PRTG: variants seen among roughly 807,000 people sequenced by gnomAD.
The protein encoded by PRTG is protogenin.
In PRTG, 67 loss-of-function variants were observed where a neutral mutation model predicts 122.5. The ratio of observed to expected loss-of-function variants is 0.55; its 90% confidence interval spans 0.45 to 0.67. The LOEUF is 0.67. Among genes scored for constraint, PRTG ranks in the 30% least tolerant of loss-of-function variants. PRTG has a pLI of 0.00. For synonymous variants in PRTG, 554 were observed against 501.1 expected, an observed-to-expected ratio of 1.11 and a Z score of -1.41; for missense variants, 1,435 against 1,415.4, an observed-to-expected ratio of 1.01 and a Z score of -0.22.
intron 2 of PRTG, among the ~76,000 whole-genome samples, chr15:55,696,080 G>A (rs2059630564): frequency 1.3e-5 from 2 of 151,882 alleles, no homozygotes; most frequent in Non-Finnish European, 2.9e-5. Context: ...GACCAGCCTG[G>A]GGAACACAGG....
Position 55,628,876 on chromosome 15 carries a change from C to T in PRTG, c.2752G>A (p.Glu918Lys). The stretch of plus-strand genomic sequence containing the variant: ...GGCCTCTGATTTGATTCAGAGGTTT[C>T]CTTTGGAAGTACTGCCAGCTCCACA... The part of the protein sequence containing the change: ...NSVELAVLPK[E>K]TSESNQRPKR... The change falls in exon 16 of 20, where the codon GAA becomes AAA. Residue 918 changes from glutamate to lysine, a missense_variant. Glu to Lys is a moderately conservative substitution (Grantham distance 56). Coordinates refer to ENST00000389286, the MANE Select transcript of PRTG (RefSeq NM_173814.6). 6.2e-7 allele frequency: 1 copy of T among 1,614,038 alleles called. No homozygotes were observed. Among genetic ancestry groups the T allele is most frequent in the Non-Finnish European group, 8.5e-7 (1 of 1,179,956 alleles).
chr15:55,620,293 T>C (rs374507513), intron 19 of PRTG, 27 bp from the exon 20 acceptor site: 2 of 1,611,018 alleles, frequency 1.2e-6, no homozygotes, highest in Non-Finnish European at 1.7e-6. Context: ...AAGATGGCAA[T>C]GAGATACCAG....
intron 15 of PRTG, among the ~76,000 whole-genome samples, chr15:55,631,840 C>G (rs1709320662): frequency 6.6e-6 from 1 of 152,184 alleles, no homozygotes; most frequent in African/African-American, 2.4e-5. Flanking sequence ...CTATTATTGG[C>G]AAGTATCTGA....
At chr15:55,640,985 T>C (rs1311631767) in intron 12 of PRTG, 128 bp downstream of exon 12, 6 of 676,220 alleles carry the variant, frequency 8.9e-6, no homozygotes, top group African/African-American at 3.6e-5. Flanking sequence ...AACTACGCTA[T>C]ACAGCACAGA....
At chr15:55,710,929 A>G (rs1362888453) in intron 2 of PRTG, among the ~76,000 whole-genome samples, 1 of 151,802 alleles carries the variant, frequency 6.6e-6, no homozygotes, top group Non-Finnish European at 1.5e-5. Flanking sequence ...TTTTTGAGAC[A>G]GAGTTTTGCT....
chr15:55,624,232 G>C, intron 18 of PRTG, 110 bp downstream of exon 18: 1 of 828,888 alleles, frequency 1.2e-6, no homozygotes, highest in Non-Finnish European at 1.8e-6. Context: ...TCATTAATAA[G>C]AGTATTGGTA....
intron 15 of PRTG, among the ~76,000 whole-genome samples, chr15:55,633,976 T>C (rs77020617): frequency 0.14 from 20,899 of 151,446 alleles, 2,001 homozygotes; most frequent in African/African-American, 0.27. Context: ...TACTGAGCCA[T>C]CAATGAGACA....
intron 2 of PRTG, chr15:55,738,268 A>C (rs1295958777): frequency 7.6e-6 from 3 of 395,240 alleles, no homozygotes; most frequent in African/African-American, 2.0e-5. Flanking sequence ...GAGATGCAAA[A>C]ATCTAAAGAT....
chr15:55,660,874 T>A (rs113634975), intron 11 of PRTG, among the ~76,000 whole-genome samples: 1 of 152,218 alleles, frequency 6.6e-6, no homozygotes, highest in Non-Finnish European at 1.5e-5. Flanking sequence ...ATTAAATAGA[T>A]CTGAGTATCT....
rs970511726 is a variant in PRTG at position 55,614,428 on chromosome 15, T to G, written c.*5584A>C. 6.6e-6 allele frequency: 1 copy of G among 152,108 alleles called. No homozygotes were observed. Among genetic ancestry groups the G allele is most frequent in the African/African-American group, 2.4e-5 (1 of 41,438 alleles). The allele number at this position is 152,108 out of a possible 1,614,324, so 9.4% of individuals were successfully genotyped here. ...TAAAGGCAGAAAGTTGTGAATGTTG[T>G]GAATATGTCATTAAAAGAAAACAAA... On this transcript the variant is annotated 3_prime_UTR_variant, in exon 20 of 20. Coordinates refer to ENST00000389286, the MANE Select transcript of PRTG (RefSeq NM_173814.6).
chr15:55,740,542 C>A lies in PRTG; in HGVS notation c.237G>T (p.Met79Ile). 1.3e-6 allele frequency: 2 copies of A among 1,598,810 alleles called. No individual in the cohort carries two copies. Among genetic ancestry groups the A allele is most frequent in the Non-Finnish European group, 1.7e-6 (2 of 1,170,714 alleles). ...GAACCTCGATCCGTTTATTTTCAGA[C>A]ATTTTTGCTCCATTTTTCAACCATG... Reference protein sequence around the residue: ...KVTWLKNGAKMSENKRIEVLS... With the variant: ...KVTWLKNGAKISENKRIEVLS... Residue 79 changes from methionine (M) to isoleucine (I), a missense_variant, in exon 2 of 20, where the codon ATG becomes ATT. Met to Ile is a conservative substitution (Grantham distance 10). Transcript: ENST00000389286.
At chr15:55,707,336 A>C (rs1386139534) in intron 2 of PRTG, among the ~76,000 whole-genome samples, 1 of 152,258 alleles carries the variant, frequency 6.6e-6, no homozygotes, top group Non-Finnish European at 1.5e-5. Context: ...CTAGTGATTT[A>C]AATAAAATTT....
At position 55,613,177 on chromosome 15, in the gene PRTG, T is replaced by C. The variant is rs1366234670; in HGVS notation, c.*6835A>G. 1 of 152,108 alleles carries C rather than the reference T, an allele frequency of 6.6e-6. No homozygotes were observed. The highest frequency in any genetic ancestry group is 1.9e-4 in the East Asian group (1 of 5,196). 9.4% of individuals were successfully genotyped at this position (152,108 alleles called of 1,614,324 possible). ...TTCTCAAAATTGTCAAGATTAGAAC[T>C]TAGGTGCTCCAAAGCCTAACTTATA... On this transcript the variant is annotated 3_prime_UTR_variant, in exon 20 of 20. Transcript: ENST00000389286.
At chr15:55,742,593 G>C in intron 1 of PRTG, 1 of 482,690 alleles carries the variant, frequency 2.1e-6, no homozygotes, top group Non-Finnish European at 3.6e-6. Flanking sequence ...GCGCGGCGCG[G>C]AGGGGCGTGC....
chr15:55,733,894 A>T (rs1370226542), intron 2 of PRTG, among the ~76,000 whole-genome samples: 1 of 152,218 alleles, frequency 6.6e-6, no homozygotes, highest in Non-Finnish European at 1.5e-5. Context: ...TACATTTAGC[A>T]CTGCTACCAC....
intron 14 of PRTG, among the ~76,000 whole-genome samples, chr15:55,638,051 G>A (rs543858757): frequency 2.6e-5 from 4 of 152,174 alleles, no homozygotes; most frequent in South Asian, 2.1e-4. Context: ...CTAGTCCTTC[G>A]TCCTCATTCT....
At chr15:55,725,428 T>C (rs771869874) in intron 2 of PRTG, among the ~76,000 whole-genome samples, 1 of 152,040 alleles carries the variant, frequency 6.6e-6, no homozygotes, top group Non-Finnish European at 1.5e-5. Flanking sequence ...ACCTTATCTC[T>C]ATAAAAAATA....
chr15:55,652,851 CAG>C (rs948256569), intron 11 of PRTG, among the ~76,000 whole-genome samples: 5 of 151,982 alleles, frequency 3.3e-5, no homozygotes, highest in Non-Finnish European at 5.9e-5. Context: ...ATCTCTAAGA[CAG>C]AATTCTTTGT....
chr15:55,638,798 G>C, intron 13 of PRTG, 122 bp from the exon 14 acceptor site: 1 of 794,582 alleles, frequency 1.3e-6, no homozygotes, highest in East Asian at 2.9e-5. Context: ...TATTTTATAT[G>C]AAAAAATGTT....
Sources: gnomAD v4.1 joint callset for allele counts (sites outside exome capture counted in the v4.1 genomes callset) on GRCh38, gnomAD v4.1.1 for gene constraint, MANE v1.5 for transcripts, NCBI Gene and HGNC (gene_info 2026-07-23, HGNC 2026-07-21) for gene names.